NUFIP2: variants seen among roughly 807,000 people sequenced by gnomAD.
The protein encoded by NUFIP2 is FMR1-interacting protein NUFIP2.
A neutral mutation model predicts 56.9 loss-of-function variants in NUFIP2; 6 were observed. The observed-to-expected ratio is 0.11, with a 90% CI of 0.06 to 0.21. The LOEUF (loss-of-function observed/expected upper bound fraction) is 0.21, where lower values mean the gene tolerates loss of function less well. NUFIP2 is among the 10% of genes least tolerant of loss of function. The probability of loss-of-function intolerance (pLI) is 1.00; values close to 1 mark genes in which losing one functional copy is unlikely to be tolerated. For synonymous variants in NUFIP2, 321 were observed against 298.2 expected, an observed-to-expected ratio of 1.08 and a Z score of -0.79; for missense variants, 828 against 826.8, an observed-to-expected ratio of 1.00 and a Z score of -0.02.
At chr17:29,287,994 T>C (rs1194501610) in intron 1 of NUFIP2, among the ~76,000 whole-genome samples, 1 of 152,204 alleles carries the variant, frequency 6.6e-6, no homozygotes, top group Non-Finnish European at 1.5e-5. Context: ...GTATGCCAAA[T>C]ACCTCTCATC....
In NUFIP2 at chr17:29,259,725, A is replaced by G. The variant is rs2068991651; in HGVS notation, c.*4814T>C. On this transcript the variant is annotated 3_prime_UTR_variant, in exon 4 of 4. Transcript: ENST00000225388. ...ACGGCCATTCCATAGTTTCTAGCCCATAACTGATTTACCATTCCCAATAAT... is the reference window on the plus strand; with the variant it reads ...ACGGCCATTCCATAGTTTCTAGCCCGTAACTGATTTACCATTCCCAATAAT... 6.6e-6 allele frequency: 1 copy of G among 152,230 alleles called. No homozygotes were observed. Among genetic ancestry groups the G allele is most frequent in the Admixed American group, 6.5e-5 (1 of 15,286 alleles). The allele number at this position is 152,230 out of a possible 1,614,324, so 9.4% of individuals were successfully genotyped here. A position where few individuals can be genotyped will look rare whatever the true frequency, so the allele number is the denominator to read the frequency against.
intron 1 of NUFIP2, among the ~76,000 whole-genome samples, chr17:29,289,515 C>T (rs560230141): frequency 1.3e-5 from 2 of 152,190 alleles, no homozygotes; most frequent in African/African-American, 4.8e-5. Flanking sequence ...TGGCTTGAAT[C>T]CGGGAGGCAG....
chr17:29,282,099 A>T (rs2069143768), intron 2 of NUFIP2, among the ~76,000 whole-genome samples: 1 of 151,766 alleles, frequency 6.6e-6, no homozygotes, highest in South Asian at 2.1e-4. Context: ...TCTTTACTTC[A>T]TACCCTCAAT....
chr17:29,281,948 T>C (rs996552073), intron 2 of NUFIP2, among the ~76,000 whole-genome samples: 7 of 151,724 alleles, frequency 4.6e-5, no homozygotes, highest in Admixed American at 1.3e-4. Flanking sequence ...GTATTTTTAG[T>C]AGAGATGGGG....
intron 3 of NUFIP2, among the ~76,000 whole-genome samples, chr17:29,265,333 C>T (rs1209629416): frequency 1.4e-5 from 2 of 140,964 alleles, no homozygotes; most frequent in Non-Finnish European, 3.1e-5. Context: ...GACGGAGTCT[C>T]GCTCTGTCGC....
chr17:29,289,398 G>A (rs929159027), intron 1 of NUFIP2, among the ~76,000 whole-genome samples: 2 of 152,258 alleles, frequency 1.3e-5, no homozygotes, highest in South Asian at 4.1e-4. Context: ...TTCAGGACCA[G>A]CCTGACCAAC....
At chr17:29,278,798 C>G (rs543520221) in intron 2 of NUFIP2, among the ~76,000 whole-genome samples, 2 of 152,160 alleles carry the variant, frequency 1.3e-5, no homozygotes, top group African/African-American at 4.8e-5. Context: ...TGATCTTTCA[C>G]CAGTATCAAG....
intron 2 of NUFIP2, among the ~76,000 whole-genome samples, chr17:29,270,525 CAAAA>C (rs879693008): frequency 7.0e-6 from 1 of 143,856 alleles, no homozygotes; most frequent in South Asian, 2.2e-4. Flanking sequence ...TGACCTACTG[CAAAA>C]AAAAAAATTG....
chr17:29,286,845 A>T lies in NUFIP2; in HGVS notation c.1149T>A (p.Ser383=), dbSNP rs375488326. ...TCTGAGTTTCCCCGGTAGATGATGAAGATGATGAAGATGAAGTTGGTGACA... is the reference window on the plus strand; with the variant it reads ...TCTGAGTTTCCCCGGTAGATGATGATGATGATGAAGATGAAGTTGGTGACA... ...SSVSPTSSSS[S]SSSTGETQTQ... The change falls in exon 2 of 4, where the codon TCT becomes TCA. Residue 383 remains serine (S), a synonymous_variant. Coordinates refer to ENST00000225388, the MANE Select transcript of NUFIP2 (RefSeq NM_020772.3). 223 of 1,614,122 alleles carry T rather than the reference A, an allele frequency of 1.4e-4. No homozygotes were observed. The highest frequency in any genetic ancestry group is 9.9e-4 in the Middle Eastern group (6 of 6,062).
At chr17:29,267,274 G>A (rs1353249407) in intron 3 of NUFIP2, among the ~76,000 whole-genome samples, 4 of 150,534 alleles carry the variant, frequency 2.7e-5, no homozygotes, top group Non-Finnish European at 5.9e-5. Context: ...GGCTGGTCTT[G>A]AACTCCTGGA....
rs1272683390 is a variant in NUFIP2 at position 29,287,618 on chromosome 17, C to T, written c.376G>A (p.Gly126Ser). The T allele has an allele frequency of 6.2e-7, 1 of 1,614,006 alleles. No individual in the cohort carries two copies. The highest frequency in any genetic ancestry group is 8.5e-7 in the Non-Finnish European group (1 of 1,180,030). ...ATNPISRVLN[G>S]NQQVVDTSLK... ...CTAGTGTCTACAACTTGCTGGTTGC[C>T]ATTGAGGACCCTGGAAATAGGGTTG... Residue 126 changes from glycine to serine, a missense_variant, in exon 2 of 4, where the codon GGC (glycine) becomes AGC (serine). This residue lies in a region of NUFIP2 where 415 missense variants were observed against 408.7 expected (regional missense o/e 1.02). Transcript: ENST00000225388.
intron 2 of NUFIP2, among the ~76,000 whole-genome samples, 172 bp from the exon 3 acceptor site, chr17:29,267,702 TTTC>T (rs1169472145): frequency 6.6e-6 from 1 of 152,144 alleles, no homozygotes; most frequent in African/African-American, 2.4e-5. Context: ...TTCCTATAGT[TTTC>T]TTTTTTTTAA....
intron 2 of NUFIP2, among the ~76,000 whole-genome samples, chr17:29,281,318 T>C (rs1349212650): frequency 6.0e-5 from 9 of 150,528 alleles, no homozygotes; most frequent in Non-Finnish European, 1.2e-4. Flanking sequence ...TGAGACTCCA[T>C]CTCAAAAAAA....
chr17:29,293,537 C>T (rs894834252), intron 1 of NUFIP2, among the ~76,000 whole-genome samples: 1 of 152,152 alleles, frequency 6.6e-6, no homozygotes, highest in Non-Finnish European at 1.5e-5. Context: ...CTCCCTTCAG[C>T]CGGGGCCGGG....
At chr17:29,270,377 CTT>C (rs2069064703) in intron 2 of NUFIP2, among the ~76,000 whole-genome samples, 1 of 150,082 alleles carries the variant, frequency 6.7e-6, no homozygotes, top group South Asian at 2.1e-4. Context: ...AGAAATCACA[CTT>C]ATCACTCCAA....
chr17:29,280,022 T>C (rs1325771750), intron 2 of NUFIP2, among the ~76,000 whole-genome samples: 1 of 152,142 alleles, frequency 6.6e-6, no homozygotes, highest in Admixed American at 6.6e-5. Flanking sequence ...TTCGTCATGT[T>C]GGCCAGGTTG....
chr17:29,285,131 G>C (rs797961), intron 2 of NUFIP2, among the ~76,000 whole-genome samples: 152,212 of 152,278 alleles, frequency 1, 76,073 homozygotes, highest in Middle Eastern at 1. Flanking sequence ...GGAAACCCGT[G>C]TCTACTGAAA....
intron 3 of NUFIP2, 30 bp downstream of exon 3, chr17:29,267,468 T>A (rs1399635500): frequency 2.4e-6 from 3 of 1,264,698 alleles, no homozygotes; most frequent in Non-Finnish European, 3.4e-6. Flanking sequence ...TACTTATTAG[T>A]GACATTTTAA....
rs745540534 is a variant in NUFIP2, at chr17:29,259,870, AAC to A, written c.*4667_*4668del. Reference sequence around the variant, plus strand: ...CTTTAAGACCTTTCTTGAGCGGCAAAACAGTGTGAAATTTAAAACTCAGTAAA... The same window carrying A: ...CTTTAAGACCTTTCTTGAGCGGCAAAAGTGTGAAATTTAAAACTCAGTAAA... On this transcript the variant is annotated 3_prime_UTR_variant, in exon 4 of 4. Coordinates refer to ENST00000225388, the MANE Select transcript of NUFIP2 (RefSeq NM_020772.3). The A allele has an allele frequency of 2.0e-5, 3 of 152,188 alleles. No homozygotes were observed. Among genetic ancestry groups the A allele is most frequent in the Admixed American group, 1.3e-4 (2 of 15,284 alleles). The allele number at this position is 152,188 out of a possible 1,614,324, so 9.4% of individuals were successfully genotyped here.
Sources: gnomAD v4.1 joint callset for allele counts (sites outside exome capture counted in the v4.1 genomes callset) on GRCh38, gnomAD v4.1.1 for gene constraint, gnomAD v4.1.1 regional missense constraint, MANE v1.5 for transcripts, NCBI Gene and HGNC (gene_info 2026-07-23, HGNC 2026-07-21) for gene names.